The following SH3PXD2A variants were observed in gnomAD, a reference collection of about 807,000 sequenced individuals.
The protein encoded by SH3PXD2A is SH3 and PX domain-containing protein 2A.
In SH3PXD2A, 32 loss-of-function variants were observed where a neutral mutation model predicts 115.2. That is an observed-to-expected ratio of 0.28 (90% confidence interval 0.21 to 0.37). The LOEUF is 0.37. Among genes scored for constraint, SH3PXD2A ranks in the 10% least tolerant of loss-of-function variants. The pLI, the probability that SH3PXD2A is intolerant of heterozygous loss-of-function variation, is 1.00. For synonymous variants in SH3PXD2A, 610 were observed against 629.1 expected (o/e 0.97, Z 0.45); for missense variants, 1,328 against 1,498.7 (o/e 0.89, Z 1.88).
At position 103,627,797 on chromosome 10, in the gene SH3PXD2A, A is replaced by T. The variant is rs992002201; in HGVS notation, c.605-595T>A. ...GATCATGGCCACGTGATAAAGCCTCATTCATCTTATTTGTTCATTCATGCA... is the reference window on the plus strand; with the variant it reads ...GATCATGGCCACGTGATAAAGCCTCTTTCATCTTATTTGTTCATTCATGCA... On this transcript the variant is annotated intron_variant, in intron 8 of 14. Transcript: ENST00000369774. The surrounding 1 kb of genome is among the most constrained non-coding windows in gnomAD (Gnocchi z 4.4). Among the ~76,000 whole-genome samples, 1 of 152,108 alleles carries T rather than the reference A, an allele frequency of 6.6e-6. No homozygotes were observed. The highest frequency in any genetic ancestry group is 2.4e-5 in the African/African-American group (1 of 41,402).
intron 1 of SH3PXD2A, among the ~76,000 whole-genome samples, chr10:103,848,479 A>G (rs7087004): frequency 0.13 from 19,459 of 152,076 alleles, 2,346 homozygotes; most frequent in African/African-American, 0.32. Flanking sequence ...AGCCCTTGGG[A>G]GAAAAGGAAG....
At chr10:103,678,269 CCTGAGCG>C (rs2037565994) in intron 6 of SH3PXD2A, 1 of 623,768 alleles carries the variant, frequency 1.6e-6, no homozygotes, top group Non-Finnish European at 2.6e-6. Context: ...AGACCAATCC[CCTGAGCG>C]CTGAGATGCC....
intron 1 of SH3PXD2A, 82 bp downstream of exon 1, chr10:103,855,108 CTCACA>C: frequency 1.1e-6 from 1 of 919,326 alleles, no homozygotes; most frequent in African/African-American, 1.7e-5. Flanking sequence ...GCTTCGCGAC[CTCACA>C]GCTGGGAGGG....
At chr10:103,789,179 G>A (rs1278210827) in intron 2 of SH3PXD2A, among the ~76,000 whole-genome samples, 1 of 2,524 alleles carries the variant, frequency 4.0e-4, no homozygotes, top group Non-Finnish European at 9.0e-4. Flanking sequence ...GGGGAGGATG[G>A]GGGGGGTAGA....
intron 5 of SH3PXD2A, among the ~76,000 whole-genome samples, chr10:103,695,562 A>G (rs2037815406): frequency 6.6e-6 from 1 of 151,474 alleles, no homozygotes; most frequent in South Asian, 2.1e-4. Flanking sequence ...ACATGCTTGG[A>G]GGGCCTCCTT....
intron 7 of SH3PXD2A, among the ~76,000 whole-genome samples, chr10:103,663,240 C>T (rs1267190690): frequency 3.3e-5 from 5 of 152,242 alleles, no homozygotes; most frequent in Non-Finnish European, 5.9e-5. Context: ...TCCCCACACG[C>T]CTGAGTTTGA....
intron 12 of SH3PXD2A, among the ~76,000 whole-genome samples, chr10:103,612,142 C>T (rs1004870788): frequency 6.6e-6 from 1 of 152,196 alleles, no homozygotes; most frequent in Non-Finnish European, 1.5e-5. Flanking sequence ...TGGCTGGACA[C>T]AAACAAAAGC....
intron 1 of SH3PXD2A, among the ~76,000 whole-genome samples, chr10:103,844,051 G>C (rs1357616547): frequency 6.6e-6 from 1 of 152,244 alleles, no homozygotes; most frequent in Non-Finnish European, 1.5e-5. Context: ...TTGCCAATGA[G>C]TGATGACTAA....
At chr10:103,696,658 C>T (rs1038018563) in intron 5 of SH3PXD2A, among the ~76,000 whole-genome samples, 9 of 152,156 alleles carry the variant, frequency 5.9e-5, no homozygotes, top group African/African-American at 1.9e-4. Flanking sequence ...GCCAGGGAGC[C>T]ACAGGAAGAA....
chr10:103,661,520 G>A (rs919186240), intron 7 of SH3PXD2A: 2 of 389,390 alleles, frequency 5.1e-6, no homozygotes, highest in African/African-American at 2.2e-5. Flanking sequence ...CTCTCGGGCC[G>A]GCAGGGGCAT....
intron 7 of SH3PXD2A, among the ~76,000 whole-genome samples, chr10:103,664,136 C>T (rs1411567402): frequency 2.0e-5 from 3 of 152,322 alleles, no homozygotes; most frequent in African/African-American, 7.2e-5. Flanking sequence ...CTGTGGCCAA[C>T]AGCACTTCTT....
chr10:103,645,265 G>T (rs2037019200), intron 8 of SH3PXD2A, among the ~76,000 whole-genome samples: 1 of 152,170 alleles, frequency 6.6e-6, no homozygotes, highest in Non-Finnish European at 1.5e-5. Context: ...TCAGCACTGG[G>T]CATCTTCTCT....
chr10:103,724,216 T>C, intron 5 of SH3PXD2A, 54 bp downstream of exon 5: 4 of 989,478 alleles, frequency 4.0e-6, no homozygotes, highest in Admixed American at 3.2e-5. Context: ...AGGCTGGCCA[T>C]TGCTTTAGCC....
intron 2 of SH3PXD2A, among the ~76,000 whole-genome samples, chr10:103,782,266 C>T (rs1407271163): frequency 6.6e-6 from 1 of 152,234 alleles, no homozygotes; most frequent in Non-Finnish European, 1.5e-5. Flanking sequence ...TCTCAAACCC[C>T]AGGCGGACCT....
chr10:103,634,928 C>T lies in SH3PXD2A; in HGVS notation c.605-7726G>A, dbSNP rs1004707164. 2.0e-5 allele frequency among the ~76,000 whole-genome samples: 3 copies of T among 152,186 alleles called. No individual in the cohort carries two copies. In the East Asian group the frequency reaches 5.8e-4, roughly 29 times the overall value. On this transcript the variant is annotated intron_variant, in intron 8 of 14. Coordinates refer to ENST00000369774, the MANE Select transcript of SH3PXD2A (RefSeq NM_001394015.1). ...GTTGAGGGGAATAAAGGAGACACTG[C>T]AGGGAGGTAGCTTAGGTTGAGCTAT...
Position 103,756,513 on chromosome 10 carries a change from C to T in SH3PXD2A, c.229+10581G>A, listed in dbSNP as rs1320351332. Among the ~76,000 whole-genome samples the T allele has an allele frequency of 1.3e-5, 2 of 152,156 alleles. No individual in the cohort carries two copies. Among genetic ancestry groups the T allele is most frequent in the Non-Finnish European group, 2.9e-5 (2 of 68,004 alleles). The stretch of plus-strand genomic sequence containing the variant: ...AACCTGGACCCAGAAACCAGAGTGC[C>T]CAGTGCCCAGAGGCTCCTGGGGAGG... On this transcript the variant is annotated intron_variant, in intron 3 of 14. Coordinates refer to ENST00000369774, the MANE Select transcript of SH3PXD2A (RefSeq NM_001394015.1). This position sits in a 1 kb window ranked among gnomAD's most constrained non-coding sequence, Gnocchi z 4.4.
intron 3 of SH3PXD2A, among the ~76,000 whole-genome samples, chr10:103,766,278 G>A (rs1343650525): frequency 3.9e-5 from 6 of 152,200 alleles, no homozygotes; most frequent in East Asian, 3.9e-4. Flanking sequence ...GTCTGAGCCC[G>A]GGGGGAAGCC....
intron 8 of SH3PXD2A, among the ~76,000 whole-genome samples, chr10:103,639,052 TGG>T (rs1257452511): frequency 6.6e-6 from 1 of 151,858 alleles, no homozygotes; most frequent in Non-Finnish European, 1.5e-5. Context: ...TGCAGAGCAG[TGG>T]ATGGATGAGA....
At chr10:103,845,125 A>T (rs897913822) in intron 1 of SH3PXD2A, among the ~76,000 whole-genome samples, 5 of 151,940 alleles carry the variant, frequency 3.3e-5, no homozygotes, top group Non-Finnish European at 7.4e-5. Context: ...GGAGTTCGAG[A>T]TCAGCCTGGC....
Sources: gnomAD v4.1 joint callset for allele counts (sites outside exome capture counted in the v4.1 genomes callset) on GRCh38, gnomAD v4.1.1 for gene constraint, Gnocchi (gnomAD v3.1) non-coding constraint, MANE v1.5 for transcripts, NCBI Gene and HGNC (gene_info 2026-07-23, HGNC 2026-07-21) for gene names.